The following ZNF766 variants were observed in gnomAD, a reference collection of about 807,000 sequenced individuals.
ZNF766 encodes zinc finger protein 766.
A neutral mutation model predicts 13.2 loss-of-function variants in ZNF766; 13 were observed. That is an observed-to-expected ratio of 0.98 (90% CI 0.64 to 1.56). The LOEUF (loss-of-function observed/expected upper bound fraction) is 1.56, where lower values mean the gene tolerates loss of function less well. Ranked by LOEUF, ZNF766 falls within the 40% of genes most tolerant of loss-of-function variation. The probability of loss-of-function intolerance (pLI) is 0.00; values close to 1 mark genes in which losing one functional copy is unlikely to be tolerated. For synonymous variants in ZNF766, 178 were observed against 187.6 expected (o/e 0.95, Z 0.42); for missense variants, 521 against 552.2 (o/e 0.94, Z 0.57).
chr19:52,285,393 G>A (rs1234755723), intron 3 of ZNF766, among the ~76,000 whole-genome samples: 1 of 152,202 alleles, frequency 6.6e-6, no homozygotes, highest in Non-Finnish European at 1.5e-5. Flanking sequence ...CCAGTTGCAA[G>A]TCTGGGTCTC....
chr19:52,281,079 T>C (rs1981489208), intron 1 of ZNF766, among the ~76,000 whole-genome samples: 1 of 151,020 alleles, frequency 6.6e-6, no homozygotes, highest in Non-Finnish European at 1.5e-5. Flanking sequence ...CCCTTGAACC[T>C]GGGAGGCAGA....
In ZNF766 at chr19:52,290,990, G is replaced by A. The variant is rs764631193; in HGVS notation, c.1199G>A (p.Arg400Gln). 43 of 1,613,448 alleles carry A rather than the reference G, an allele frequency of 2.7e-5. No individual in the cohort carries two copies. Among genetic ancestry groups the A allele is most frequent in the South Asian group, 6.6e-5 (6 of 91,036 alleles). ...TTCACTCAAGTTTCACATCTTGCAC[G>A]ACATCAGAAAATTCACACTGGAGAG... ...KVFTQVSHLA[R>Q]HQKIHTGEKP... is the part of the protein sequence containing the mutation. Residue 400 changes from arginine (R) to glutamine (Q), a missense_variant, in exon 4 of 4, where the codon CGA becomes CAA. Physicochemically the swap from Arg to Gln is conservative, Grantham distance 43 (BLOSUM62 1). Coordinates refer to ENST00000439461, the MANE Select transcript of ZNF766 (RefSeq NM_001010851.3).
In ZNF766 at chr19:52,291,044, A is replaced by G. The variant is rs199717513; in HGVS notation, c.1253A>G (p.Lys418Arg). ...EKPYKCNECG[K>R]VFTQNSHLAN... ...CCTTACAAATGTAATGAGTGTGGCA[A>G]AGTCTTCACTCAGAATTCACACCTT... The change falls in exon 4 of 4, where the codon AAA becomes AGA. Residue 418 changes from lysine to arginine, a missense_variant. Coordinates refer to ENST00000439461, the MANE Select transcript of ZNF766 (RefSeq NM_001010851.3). 1.9e-5 allele frequency: 31 copies of G among 1,614,080 alleles called. No homozygotes were observed. The highest frequency in any genetic ancestry group is 2.6e-5 in the Non-Finnish European group (31 of 1,180,032).
chr19:52,271,331 T>A (rs530444851), intron 1 of ZNF766, among the ~76,000 whole-genome samples: 9 of 152,234 alleles, frequency 5.9e-5, no homozygotes, highest in African/African-American at 2.2e-4. Context: ...CTATCAAAAT[T>A]GAGTTAAATT....
chr19:52,281,172 A>G (rs909460507), intron 1 of ZNF766, among the ~76,000 whole-genome samples: 7 of 151,564 alleles, frequency 4.6e-5, no homozygotes, highest in African/African-American at 1.7e-4. Flanking sequence ...AAAAAATTAT[A>G]TTTTGAACAG....
intron 1 of ZNF766, 68 bp downstream of exon 1, chr19:52,269,699 T>C (rs1427088078): frequency 1.3e-6 from 2 of 1,592,314 alleles, no homozygotes; most frequent in African/African-American, 1.3e-5. Context: ...ACCCGGGATG[T>C]GGGGGGCGGT....
intron 3 of ZNF766, among the ~76,000 whole-genome samples, chr19:52,289,796 C>G (rs112540593): frequency 0.021 from 3,208 of 152,112 alleles, 91 homozygotes; most frequent in African/African-American, 0.065. Flanking sequence ...GTCAGGAGAT[C>G]GAGACCATCC....
At chr19:52,281,646 A>G (rs897983956) in intron 1 of ZNF766, among the ~76,000 whole-genome samples, 1 of 152,234 alleles carries the variant, frequency 6.6e-6, no homozygotes, top group African/African-American at 2.4e-5. Context: ...ATTTTTGTCC[A>G]TGAACTTAAC....
intron 3 of ZNF766, 93 bp from the exon 4 acceptor site, chr19:52,289,973 C>G: frequency 7.4e-7 from 1 of 1,354,398 alleles, no homozygotes; most frequent in Non-Finnish European, 1.0e-6. Flanking sequence ...TGCACTCCAG[C>G]CTGGGTGGCA....
chr19:52,288,729 A>G (rs1981957809), intron 3 of ZNF766, among the ~76,000 whole-genome samples: 1 of 150,932 alleles, frequency 6.6e-6, no homozygotes, highest in Admixed American at 6.6e-5. Context: ...CATCATTACA[A>G]TATCCCTTCC....
At chr19:52,289,920 G>A in intron 3 of ZNF766, 146 bp from the exon 4 acceptor site, 1 of 739,294 alleles carries the variant, frequency 1.4e-6, no homozygotes, top group Non-Finnish European at 2.1e-6. Context: ...AGAATGGCGG[G>A]AACCTGGGAG....
chr19:52,289,968 T>C, intron 3 of ZNF766, 98 bp from the exon 4 acceptor site: 1 of 1,316,934 alleles, frequency 7.6e-7, no homozygotes, highest in East Asian at 2.3e-5. Flanking sequence ...GCCACTGCAC[T>C]CCAGCCTGGG....
At chr19:52,278,037 A>G (rs894330505) in intron 1 of ZNF766, among the ~76,000 whole-genome samples, 4 of 149,768 alleles carry the variant, frequency 2.7e-5, no homozygotes, top group Non-Finnish European at 4.4e-5. Context: ...CAGTGGTGCA[A>G]TCTTGGCTCA....
At chr19:52,288,793 C>T (rs1295077934) in intron 3 of ZNF766, among the ~76,000 whole-genome samples, 26 of 150,916 alleles carry the variant, frequency 1.7e-4, no homozygotes, top group Admixed American at 1.7e-3. Context: ...TTACATTTTC[C>T]TTTATATCAA....
chr19:52,269,749 G>A (rs1600192144), intron 1 of ZNF766, 118 bp downstream of exon 1: 1 of 1,301,700 alleles, frequency 7.7e-7, no homozygotes, highest in Non-Finnish European at 1.1e-6. Flanking sequence ...TCCACCCCGA[G>A]TAAATTCATG....
Position 52,269,620 on chromosome 19 carries a change from C to T in ZNF766, c.7C>T (p.Gln3Ter), listed in dbSNP as rs376263205. MA[Q>*]LRRGHLTFRD... ...AAGTGGATGGCGTGGAGATATGGCG[C>T]AACTGCGGCGCGTGAGTTTTCCTTT... The change falls in exon 1 of 4, where the codon CAA becomes TAA. Residue 3 changes from glutamine (Q) to a stop codon, truncating the protein, a stop_gained. Transcript: ENST00000439461. LOFTEE classifies it high-confidence loss of function. 7 of 1,612,918 alleles carry T rather than the reference C, an allele frequency of 4.3e-6. No individual in the cohort carries two copies. Among genetic ancestry groups the T allele is most frequent in the Non-Finnish European group, 5.9e-6 (7 of 1,179,702 alleles).
At position 52,290,605 on chromosome 19, in the gene ZNF766, AAATGT is replaced by A; in HGVS notation, c.819_823del (p.Cys273Ter). The stretch of plus-strand genomic sequence containing the variant: ...AGTGCATACTGGAGAGAGTCCTTAC[AAATGT>A]AATGAGTGTGGCAAGGTCTTCAGTC... On this transcript the variant is annotated frameshift_variant, in exon 4 of 4. Coordinates refer to ENST00000439461, the MANE Select transcript of ZNF766 (RefSeq NM_001010851.3). LOFTEE classifies it low-confidence loss of function (END_TRUNC). The A allele has an allele frequency of 2.5e-6, 4 of 1,614,136 alleles. No homozygotes were observed. The highest frequency in any genetic ancestry group is 3.4e-6 in the Non-Finnish European group (4 of 1,179,996).
At chr19:52,284,283 G>T (rs951127586) in intron 3 of ZNF766, among the ~76,000 whole-genome samples, 6 of 152,166 alleles carry the variant, frequency 3.9e-5, no homozygotes, top group Non-Finnish European at 8.8e-5. Flanking sequence ...ATACATCAGA[G>T]CTGAGGTCTG....
chr19:52,289,801 C>T (rs1254048220), intron 3 of ZNF766, among the ~76,000 whole-genome samples: 3 of 152,060 alleles, frequency 2.0e-5, no homozygotes, highest in South Asian at 2.1e-4. Context: ...GAGATCGAGA[C>T]CATCCTGGCT....
Sources: gnomAD v4.1 joint callset for allele counts (sites outside exome capture counted in the v4.1 genomes callset) on GRCh38, gnomAD v4.1.1 for gene constraint, MANE v1.5 for transcripts, NCBI Gene and HGNC (gene_info 2026-07-23, HGNC 2026-07-21) for gene names.